Variants in MRPS27 observed in about 807,000 individuals in gnomAD.
The protein encoded by MRPS27 is mitochondrial ribosomal protein S27, also known as small ribosomal subunit protein mS27.
A neutral mutation model predicts 48.9 loss-of-function variants in MRPS27; 43 were observed. That is an observed-to-expected ratio of 0.88 (90% CI 0.69 to 1.13). MRPS27 has a LOEUF of 1.13. MRPS27 is among the 50% of genes most tolerant of loss of function. The pLI is 0.00. For missense variants in MRPS27, 467 were observed against 476.3 expected, an observed-to-expected ratio of 0.98 and a Z score of 0.18; for synonymous variants, 188 against 171.9, an observed-to-expected ratio of 1.09 and a Z score of -0.73.
chr5:72,277,535 C>T (rs542536057), intron 4 of MRPS27, among the ~76,000 whole-genome samples: 9 of 151,572 alleles, frequency 5.9e-5, no homozygotes, highest in Non-Finnish European at 8.8e-5. Context: ...ACCAGGGAGT[C>T]GGAGGTTGCA....
chr5:72,267,292 C>G (rs1749128135), intron 4 of MRPS27, among the ~76,000 whole-genome samples: 1 of 152,124 alleles, frequency 6.6e-6, no homozygotes, highest in Admixed American at 6.5e-5. Flanking sequence ...AAAAATTTAT[C>G]CTTATTTGCT....
At chr5:72,276,474 C>T (rs1030387490) in intron 4 of MRPS27, among the ~76,000 whole-genome samples, 3 of 152,148 alleles carry the variant, frequency 2.0e-5, no homozygotes, top group South Asian at 4.2e-4. Flanking sequence ...AGAAGAAAAT[C>T]GAGGCAGTAT....
intron 4 of MRPS27, among the ~76,000 whole-genome samples, chr5:72,271,215 G>A (rs1215996556): frequency 1.3e-5 from 2 of 152,108 alleles, no homozygotes; most frequent in African/African-American, 4.8e-5. Flanking sequence ...CAGATAATAT[G>A]GTTGGATATG....
intron 4 of MRPS27, among the ~76,000 whole-genome samples, chr5:72,276,228 T>G (rs1199450430): frequency 2.6e-5 from 4 of 152,010 alleles, no homozygotes; most frequent in Admixed American, 1.3e-4. Context: ...CATAGACCAA[T>G]GGAACAGGCT....
Position 72,226,107 on chromosome 5 carries a change from T to A in MRPS27, c.787A>T (p.Met263Leu), listed in dbSNP as rs1217021915. The change falls in exon 9 of 11, where the codon ATG (methionine) becomes TTG (leucine). Residue 263 changes from methionine to leucine, a missense_variant. Transcript: ENST00000261413. Reference protein sequence around the residue: ...PGYLDRALQVMEKVAASPEDI... With the variant: ...PGYLDRALQVLEKVAASPEDI... Reference sequence around the variant, plus strand: ...TCTGGGGAGGCAGCCACTTTCTCCATCACTTGAAGGGCTCTGTCAAGGTAG... The same window carrying A: ...TCTGGGGAGGCAGCCACTTTCTCCAACACTTGAAGGGCTCTGTCAAGGTAG... 6.2e-7 allele frequency: 1 copy of A among 1,613,810 alleles called. No homozygotes were observed. Among genetic ancestry groups the A allele is most frequent in the Non-Finnish European group, 8.5e-7 (1 of 1,179,808 alleles).
chr5:72,257,203 T>C (rs953189862), intron 4 of MRPS27, among the ~76,000 whole-genome samples: 1 of 152,232 alleles, frequency 6.6e-6, no homozygotes. Flanking sequence ...CAAATAGCTA[T>C]GTGCCTTTGG....
intron 10 of MRPS27, 27 bp from the exon 11 acceptor site, chr5:72,221,175 GAAGA>G (rs759508139): frequency 1.2e-6 from 2 of 1,610,638 alleles, no homozygotes; most frequent in Non-Finnish European, 1.7e-6. Context: ...GGAAAAATGA[GAAGA>G]AAGGTAGAGA....
At chr5:72,266,816 C>T (rs1749117048) in intron 4 of MRPS27, among the ~76,000 whole-genome samples, 2 of 152,000 alleles carry the variant, frequency 1.3e-5, no homozygotes, top group African/African-American at 4.8e-5. Context: ...GCAGAGATCG[C>T]CCCACTGCAC....
At chr5:72,299,382 G>T (rs2112068962) in intron 2 of MRPS27, among the ~76,000 whole-genome samples, 1 of 151,984 alleles carries the variant, frequency 6.6e-6, no homozygotes, top group African/African-American at 2.4e-5. Flanking sequence ...TTTCTGGAAG[G>T]AGACACAAGC....
intron 4 of MRPS27, among the ~76,000 whole-genome samples, chr5:72,252,147 G>C (rs1256722437): frequency 6.6e-6 from 1 of 152,146 alleles, no homozygotes; most frequent in Non-Finnish European, 1.5e-5. Context: ...ATTTAAGACA[G>C]GCTCAAAAAA....
At chr5:72,314,405 G>A (rs1750516973) in intron 1 of MRPS27, 1 of 310,728 alleles carries the variant, frequency 3.2e-6, no homozygotes, top group Non-Finnish European at 6.1e-6. Context: ...AAATAAACAG[G>A]GTCTTGCTAT....
chr5:72,239,643 A>G lies in MRPS27; in HGVS notation c.282-1515T>C, dbSNP rs149437561. Among the ~76,000 whole-genome samples, 567 of 152,228 alleles carry G rather than the reference A, an allele frequency of 3.7e-3. 1 individual carries two copies. The highest frequency in any genetic ancestry group is 0.013 in the African/African-American group (551 of 41,554). ...CAGAAATGAAACAAAATATACCTTT[A>G]GTATTCCATGTTTTCCCTCATATTT... On this transcript the variant is annotated intron_variant, in intron 4 of 10. Transcript: ENST00000261413.
rs143128561 is a variant in MRPS27 at position 72,224,290 on chromosome 5, T to C, written c.838-440A>G. On this transcript the variant is annotated intron_variant, in intron 9 of 10. Transcript: ENST00000261413. ...AGGAAGATTGCTTGAGCCTGGGAGG[T>C]GGAGGCTATAGTGAGCCATGATCAC... Among the ~76,000 whole-genome samples, 23 of 151,324 alleles carry C rather than the reference T, an allele frequency of 1.5e-4. No homozygotes were observed. In the East Asian group the frequency reaches 4.5e-3, roughly 30 times the overall value.
chr5:72,315,481 C>G (rs184733580), intron 1 of MRPS27, among the ~76,000 whole-genome samples: 1 of 149,412 alleles, frequency 6.7e-6, no homozygotes, highest in African/African-American at 2.5e-5. Context: ...CGACTGAGCC[C>G]GGGAGGCAGA....
intron 1 of MRPS27, among the ~76,000 whole-genome samples, chr5:72,319,636 C>G (rs145139274): frequency 0.019 from 2,866 of 150,840 alleles, 238 homozygotes; most frequent in Admixed American, 0.16. Context: ...CTCCGCCTCC[C>G]GAGTTCAAGC....
intron 4 of MRPS27, among the ~76,000 whole-genome samples, chr5:72,255,836 C>A (rs1027454356): frequency 6.6e-6 from 1 of 152,168 alleles, no homozygotes; most frequent in African/African-American, 2.4e-5. Context: ...CTGCCTGACG[C>A]TAAAATAGGT....
At chr5:72,241,061 A>G (rs1748338148) in intron 4 of MRPS27, among the ~76,000 whole-genome samples, 1 of 152,232 alleles carries the variant, frequency 6.6e-6, no homozygotes, top group African/African-American at 2.4e-5. Context: ...TTTGAGAGAC[A>G]AAGTCTCATT....
At chr5:72,278,440 C>A (rs1749441017) in intron 4 of MRPS27, among the ~76,000 whole-genome samples, 1 of 82,396 alleles carries the variant, frequency 1.2e-5, no homozygotes, top group Admixed American at 1.2e-4. Flanking sequence ...GACTCTCCAT[C>A]TCAAAAAAAA....
At chr5:72,232,659 TA>T in intron 6 of MRPS27, 101 bp from the exon 7 acceptor site, 1 of 791,900 alleles carries the variant, frequency 1.3e-6, no homozygotes, top group Non-Finnish European at 2.0e-6. Context: ...GGGCATGGTT[TA>T]AAAAAATGCA....
Sources: gnomAD v4.1 joint callset for allele counts (sites outside exome capture counted in the v4.1 genomes callset) on GRCh38, gnomAD v4.1.1 for gene constraint, MANE v1.5 for transcripts, NCBI Gene and HGNC (gene_info 2026-07-23, HGNC 2026-07-21) for gene names.